The following NOL4L variants were observed in gnomAD, a reference collection of about 807,000 sequenced individuals.
NOL4L encodes nucleolar protein 4 like.
A neutral mutation model predicts 64.5 loss-of-function variants in NOL4L; 7 were observed. That is an observed-to-expected ratio of 0.11 (90% CI 0.06 to 0.20). NOL4L has a LOEUF of 0.20. NOL4L is among the 10% of genes least tolerant of loss of function. NOL4L has a pLI of 1.00. For synonymous variants in NOL4L, 413 were observed against 401.0 expected (o/e 1.03, Z -0.36); for missense variants, 680 against 967.1 (o/e 0.70, Z 3.94).
At chr20:32,561,507 G>A (rs1228951035) in intron 1 of NOL4L, among the ~76,000 whole-genome samples, 3 of 152,168 alleles carry the variant, frequency 2.0e-5, no homozygotes, top group Non-Finnish European at 2.9e-5. Context: ...GCCTCTGGGG[G>A]GCCCAGAGCA....
At chr20:32,483,261 TA>T in intron 4 of NOL4L, 2 of 666,232 alleles carry the variant, frequency 3.0e-6, no homozygotes, top group Non-Finnish European at 3.7e-6. Context: ...CTCGCCCCCC[TA>T]ACCGCAGCTC....
chr20:32,488,851 CTT>C (rs1221603538), intron 4 of NOL4L, among the ~76,000 whole-genome samples: 2 of 70,696 alleles, frequency 2.8e-5, no homozygotes, highest in Non-Finnish European at 2.5e-5. Flanking sequence ...TTCTTTCTTT[CTT>C]TCTTTCTTTC....
At chr20:32,514,758 T>C (rs1422687166) in intron 3 of NOL4L, among the ~76,000 whole-genome samples, 2 of 152,054 alleles carry the variant, frequency 1.3e-5, no homozygotes, top group Admixed American at 6.6e-5. Context: ...GTGATGACAC[T>C]GAGATGGTAT....
intron 4 of NOL4L, among the ~76,000 whole-genome samples, chr20:32,481,075 C>T (rs566064584): frequency 7.9e-5 from 12 of 152,338 alleles, no homozygotes; most frequent in Admixed American, 3.9e-4. Flanking sequence ...CTCACTCACA[C>T]GCACACTGTG....
At chr20:32,521,595 G>C (rs1175601955) in intron 2 of NOL4L, among the ~76,000 whole-genome samples, 1 of 152,176 alleles carries the variant, frequency 6.6e-6, no homozygotes, top group Non-Finnish European at 1.5e-5. Flanking sequence ...CCTCCAGAAG[G>C]CCTCCCCTAG....
chr20:32,506,810 C>G (rs1018248342), intron 4 of NOL4L, among the ~76,000 whole-genome samples: 1 of 152,184 alleles, frequency 6.6e-6, no homozygotes, highest in African/African-American at 2.4e-5. Context: ...CTCCTCCTCA[C>G]CTGCCCTCCA....
intron 5 of NOL4L, among the ~76,000 whole-genome samples, chr20:32,466,929 G>A (rs1946381270): frequency 6.6e-6 from 1 of 152,292 alleles, no homozygotes; most frequent in East Asian, 1.9e-4. Context: ...GGAGTTCTGT[G>A]CCTCCTGGTG....
intron 6 of NOL4L, among the ~76,000 whole-genome samples, chr20:32,454,638 G>A (rs183233205): frequency 2.1e-4 from 32 of 152,338 alleles, no homozygotes; most frequent in African/African-American, 7.2e-4. Flanking sequence ...GCTCTGGGAC[G>A]GCTGAGGACC....
At chr20:32,513,642 T>A (rs576916416) in intron 3 of NOL4L, among the ~76,000 whole-genome samples, 6 of 152,140 alleles carry the variant, frequency 3.9e-5, no homozygotes, top group African/African-American at 1.4e-4. Context: ...GCAGGAGGAC[T>A]GCTTGACCCC....
chr20:32,499,285 C>G (rs2016823402), intron 4 of NOL4L, among the ~76,000 whole-genome samples: 1 of 152,136 alleles, frequency 6.6e-6, no homozygotes, highest in African/African-American at 2.4e-5. Context: ...TGACACTGGG[C>G]TCATGGTGCT....
intron 4 of NOL4L, among the ~76,000 whole-genome samples, chr20:32,480,197 C>T (rs1017165266): frequency 1.3e-5 from 2 of 152,208 alleles, no homozygotes; most frequent in Admixed American, 1.3e-4. Context: ...GATCCTGGGG[C>T]GTGCCTCACA....
chr20:32,512,445 T>C (rs762151635), intron 3 of NOL4L, among the ~76,000 whole-genome samples: 19 of 152,170 alleles, frequency 1.2e-4, no homozygotes, highest in Non-Finnish European at 2.6e-4. Context: ...CAAATTCTGG[T>C]TCCTCCTTCA....
At chr20:32,504,922 C>T (rs984679578) in intron 4 of NOL4L, among the ~76,000 whole-genome samples, 1 of 152,172 alleles carries the variant, frequency 6.6e-6, no homozygotes, top group African/African-American at 2.4e-5. Flanking sequence ...AAGAGACCAT[C>T]AAAGGTCACA....
At chr20:32,547,216 A>G (rs1341428284) in intron 1 of NOL4L, among the ~76,000 whole-genome samples, 1 of 152,230 alleles carries the variant, frequency 6.6e-6, no homozygotes, top group Non-Finnish European at 1.5e-5. Flanking sequence ...CCCAGAGAAG[A>G]AAGTGACACA....
chr20:32,477,586 T>G (rs896694852), intron 4 of NOL4L, among the ~76,000 whole-genome samples: 2 of 152,256 alleles, frequency 1.3e-5, no homozygotes, highest in Admixed American at 6.5e-5. Context: ...CTGAATTGCC[T>G]GGCATAGTGT....
At chr20:32,448,014 G>A (rs1470311903) in intron 10 of NOL4L, among the ~76,000 whole-genome samples, 198 bp from the exon 11 acceptor site, 2 of 152,188 alleles carry the variant, frequency 1.3e-5, no homozygotes, top group Non-Finnish European at 2.9e-5. Context: ...AGGGTTCTCA[G>A]AGAATCCTCA....
chr20:32,542,708 A>C (rs1262184237), intron 1 of NOL4L, among the ~76,000 whole-genome samples: 1 of 152,064 alleles, frequency 6.6e-6, no homozygotes, highest in Non-Finnish European at 1.5e-5. Flanking sequence ...TAACCTCTCC[A>C]TGCCTCAGTT....
intron 1 of NOL4L, among the ~76,000 whole-genome samples, chr20:32,543,551 G>A (rs557401641): frequency 1.3e-5 from 2 of 152,256 alleles, no homozygotes; most frequent in South Asian, 4.1e-4. Context: ...CCCAGGAGGA[G>A]GAGGTTGCAG....
intron 4 of NOL4L, among the ~76,000 whole-genome samples, chr20:32,475,769 C>G (rs376985370): frequency 1.2e-3 from 178 of 152,352 alleles, no homozygotes; most frequent in Non-Finnish European, 2.0e-3. Flanking sequence ...CAAGCCTCCC[C>G]TCCGGGGCCC....
Sources: allele counts gnomAD v4.1 joint callset (sites outside exome capture counted in the v4.1 genomes callset), GRCh38; gene constraint gnomAD v4.1.1; transcripts MANE v1.5; gene names NCBI Gene and HGNC (gene_info 2026-07-23, HGNC 2026-07-21).